The following PDIA5 variants were observed in gnomAD, a reference collection of about 807,000 sequenced individuals.
The protein encoded by PDIA5 is protein disulfide isomerase family A member 5.
A neutral mutation model predicts 77.6 loss-of-function variants in PDIA5; 58 were observed. The ratio of observed to expected loss-of-function variants is 0.75; its 90% CI spans 0.61 to 0.93. The LOEUF (loss-of-function observed/expected upper bound fraction) is 0.93, where lower values mean the gene tolerates loss of function less well. Among genes scored for constraint, PDIA5 ranks in the 40% least tolerant of loss-of-function variants. The probability of loss-of-function intolerance (pLI) is 0.00; values close to 1 mark genes in which losing one functional copy is unlikely to be tolerated. For missense variants in PDIA5, 630 were observed against 647.7 expected (o/e 0.97, Z 0.30); for synonymous variants, 250 against 252.1 (o/e 0.99, Z 0.08).
rs113915914 is a variant in PDIA5 at position 123,151,835 on chromosome 3, G to T, written c.1273+1471G>T. On this transcript the variant is annotated intron_variant, in intron 14 of 16. Coordinates refer to ENST00000316218, the MANE Select transcript of PDIA5 (RefSeq NM_006810.4). Reference sequence around the variant, plus strand: ...TGCCTGCCTGCCTGCCTGCCTTCCTGCCTGCCTGCCTTCCTTCCTGCCCTC... The same window carrying T: ...TGCCTGCCTGCCTGCCTGCCTTCCTTCCTGCCTGCCTTCCTTCCTGCCCTC... Among the ~76,000 whole-genome samples, 56 of 109,024 alleles carry T rather than the reference G, an allele frequency of 5.1e-4. 1 individual carries two copies. Among genetic ancestry groups the T allele is most frequent in the African/African-American group, 1.6e-3 (45 of 28,052 alleles). The allele number at this position is 109,024 out of a possible 152,430, so 71.5% of individuals were successfully genotyped here. A position where few individuals can be genotyped will look rare whatever the true frequency, so the allele number is the denominator to read the frequency against.
At chr3:123,068,257 G>A (rs1313809163) in intron 1 of PDIA5, among the ~76,000 whole-genome samples, 2 of 152,198 alleles carry the variant, frequency 1.3e-5, no homozygotes, top group Non-Finnish European at 2.9e-5. Flanking sequence ...GTGTGGCAAG[G>A]ACACTGGGCA....
intron 10 of PDIA5, 132 bp from the exon 11 acceptor site, chr3:123,130,348 T>G: frequency 2.1e-6 from 2 of 952,878 alleles, no homozygotes; most frequent in Non-Finnish European, 3.1e-6. Context: ...AGTTTCTGGT[T>G]TGTTAAAGGC....
chr3:123,096,377 C>G (rs889309440), intron 3 of PDIA5, among the ~76,000 whole-genome samples: 1 of 151,958 alleles, frequency 6.6e-6, no homozygotes, highest in Non-Finnish European at 1.5e-5. Flanking sequence ...TTTATAGAGA[C>G]CAGGTTTTGC....
At chr3:123,068,623 C>T (rs1187531508) in intron 1 of PDIA5, among the ~76,000 whole-genome samples, 1 of 152,192 alleles carries the variant, frequency 6.6e-6, no homozygotes. Flanking sequence ...CTCCCTTTCC[C>T]CTCCCTTTTG....
intron 7 of PDIA5, among the ~76,000 whole-genome samples, chr3:123,112,576 C>A (rs1934891509): frequency 7.4e-6 from 1 of 134,822 alleles, no homozygotes; most frequent in African/African-American, 2.8e-5. Context: ...TGAGACAGAG[C>A]CTTGCTCTGT....
intron 11 of PDIA5, among the ~76,000 whole-genome samples, chr3:123,142,180 G>C (rs979006893): frequency 6.6e-6 from 1 of 152,258 alleles, no homozygotes; most frequent in Admixed American, 6.5e-5. Context: ...GCTGCCTAGA[G>C]GGAGCGGCCT....
rs769436281 is a variant in PDIA5 at position 123,132,490 on chromosome 3, C to T, written c.910+1874C>T. Reference sequence around the variant, plus strand: ...TAGAAAAGAGACCAAAACAAGCCCCCAAAACTAAGTTTCAAAAACCCTCTA... The same window carrying T: ...TAGAAAAGAGACCAAAACAAGCCCCTAAAACTAAGTTTCAAAAACCCTCTA... On this transcript the variant is annotated intron_variant, in intron 11 of 16. Coordinates refer to ENST00000316218, the MANE Select transcript of PDIA5 (RefSeq NM_006810.4). Among the ~76,000 whole-genome samples, 3 of 152,332 alleles carry T rather than the reference C, an allele frequency of 2.0e-5. No individual in the cohort carries two copies. In the South Asian group the frequency reaches 6.2e-4, roughly 32 times the overall value.
chr3:123,154,960 C>A lies in PDIA5; in HGVS notation c.1274-11C>A. 6.3e-7 allele frequency: 1 copy of A among 1,586,042 alleles called. No individual in the cohort carries two copies. The highest frequency in any genetic ancestry group is 8.7e-7 in the Non-Finnish European group (1 of 1,154,442). ...TCACAGTCCTGTGTGCTCTCTTCCC[C>A]TCTCACACAGGGTGCCCACACTGTA... On this transcript the variant is annotated splice_polypyrimidine_tract_variant and intron_variant, in intron 14 of 16. Transcript: ENST00000316218.
At chr3:123,131,383 G>A (rs1332935617) in intron 11 of PDIA5, among the ~76,000 whole-genome samples, 1 of 151,462 alleles carries the variant, frequency 6.6e-6, no homozygotes, top group Non-Finnish European at 1.5e-5. Context: ...TTGTGCCACT[G>A]CACTCCCTCC....
chr3:123,089,472 C>G (rs960385764), intron 2 of PDIA5, among the ~76,000 whole-genome samples, 178 bp downstream of exon 2: 1 of 152,234 alleles, frequency 6.6e-6, no homozygotes, highest in Admixed American at 6.5e-5. Flanking sequence ...TTGGCTCTGC[C>G]ACTTTCTGAT....
At chr3:123,135,173 C>T (rs1168950966) in intron 11 of PDIA5, among the ~76,000 whole-genome samples, 1 of 152,232 alleles carries the variant, frequency 6.6e-6, no homozygotes, top group Non-Finnish European at 1.5e-5. Context: ...CTCATCTCCT[C>T]TTGTCACTGT....
intron 10 of PDIA5, among the ~76,000 whole-genome samples, chr3:123,128,383 T>C (rs1349156197): frequency 6.6e-6 from 1 of 152,214 alleles, no homozygotes; most frequent in Non-Finnish European, 1.5e-5. Context: ...CGTTCTTTCC[T>C]TCCGGTGCCT....
At chr3:123,085,695 C>T (rs1215365195) in intron 1 of PDIA5, among the ~76,000 whole-genome samples, 1 of 152,194 alleles carries the variant, frequency 6.6e-6, no homozygotes, top group African/African-American at 2.4e-5. Flanking sequence ...CCTGCCTTCC[C>T]CTTTCCTTCT....
At chr3:123,080,157 T>G (rs74338925) in intron 1 of PDIA5, among the ~76,000 whole-genome samples, 23,255 of 149,046 alleles carry the variant, frequency 0.16, 1,888 homozygotes, top group Non-Finnish European at 0.18. Flanking sequence ...GGTGTGTGTG[T>G]GGGGGGGATT....
Position 123,116,358 on chromosome 3 carries a change from G to A in PDIA5, c.609+60G>A, listed in dbSNP as rs1426573256. On this transcript the variant is annotated intron_variant, in intron 8 of 16. Transcript: ENST00000316218. ...CACTCTTGGACTTGGCGGAGGAAGG[G>A]TGCCAGGGGTGGGGTGGGGACAGGT... 5.2e-6 allele frequency: 7 copies of A among 1,350,938 alleles called. No individual in the cohort carries two copies. In the East Asian group the frequency reaches 1.4e-4, roughly 26 times the overall value. 83.7% of individuals were successfully genotyped at this position (1,350,938 alleles called of 1,614,324 possible).
chr3:123,113,015 C>T (rs890892335), intron 7 of PDIA5, among the ~76,000 whole-genome samples: 1 of 152,158 alleles, frequency 6.6e-6, no homozygotes, highest in Non-Finnish European at 1.5e-5. Context: ...CTACTTTAAC[C>T]CTCGCTCCTT....
chr3:123,142,184 G>A (rs927562606), intron 11 of PDIA5, among the ~76,000 whole-genome samples: 1 of 152,246 alleles, frequency 6.6e-6, no homozygotes, highest in African/African-American at 2.4e-5. Context: ...CCTAGAGGGA[G>A]CGGCCTGCCT....
rs1406697610 is a variant in PDIA5, at chr3:123,124,101, T to C, written c.645T>C (p.Phe215=). 1 of 1,614,032 alleles carries C rather than the reference T, an allele frequency of 6.2e-7. No homozygotes were observed. Among genetic ancestry groups the C allele is most frequent in the Non-Finnish European group, 8.5e-7 (1 of 1,179,988 alleles). The change falls in exon 9 of 17, where the codon TTT becomes TTC. Residue 215 remains phenylalanine (F), a synonymous_variant. Coordinates refer to ENST00000316218, the MANE Select transcript of PDIA5 (RefSeq NM_006810.4). ...GGATGAATGTCTACTCCTCTGAATT[T>C]GAAAACATCAAGGAGGAGTACAGCG... The part of the protein sequence containing the change: ...LAGMNVYSSE[F]ENIKEEYSVR...
chr3:123,067,243 A>C, intron 1 of PDIA5, 37 bp downstream of exon 1: 10 of 1,237,306 alleles, frequency 8.1e-6, no homozygotes, highest in Non-Finnish European at 1.0e-5. Context: ...CCGGGCCAGC[A>C]CGTGTGTCCC....
Sources: gnomAD v4.1 joint callset for allele counts (sites outside exome capture counted in the v4.1 genomes callset) on GRCh38, gnomAD v4.1.1 for gene constraint, MANE v1.5 for transcripts, NCBI Gene and HGNC (gene_info 2026-07-23, HGNC 2026-07-21) for gene names.